The following RECQL5 variants were observed in gnomAD, a reference collection of about 807,000 sequenced individuals.
RECQL5 encodes the protein RecQ like helicase 5.
Under a neutral mutation model 103.4 loss-of-function variants are expected in RECQL5, and 88 were observed. That is an observed-to-expected ratio of 0.85 (90% CI 0.72 to 1.02). The LOEUF is 1.02. Among genes scored for constraint, RECQL5 ranks in the 50% least tolerant of loss-of-function variants. The probability of loss-of-function intolerance (pLI) is 0.00; values close to 1 mark genes in which losing one functional copy is unlikely to be tolerated. For missense variants in RECQL5, 1,232 were observed against 1,284.3 expected (o/e 0.96, Z 0.62); for synonymous variants, 552 against 507.9 (o/e 1.09, Z -1.17).
In RECQL5 at chr17:75,661,613, G is replaced by A; in HGVS notation, c.867C>T (p.Tyr289=). The A allele has an allele frequency of 1.9e-6, 3 of 1,613,758 alleles. No homozygotes were observed. Among genetic ancestry groups the A allele is most frequent in the Non-Finnish European group, 2.5e-6 (3 of 1,179,730 alleles). The change falls in exon 5 of 20, where the codon TAC becomes TAT. Residue 289 remains tyrosine, a synonymous_variant. Coordinates refer to ENST00000317905, the MANE Select transcript of RECQL5 (RefSeq NM_004259.7). ...GGCCTGGGTGCCCCTTACCTGCATG[G>A]TAAGCCTTGGCGTTCACACCCCTGC... ...LSCRGVNAKA[Y]HAGLKASERT... is the part of the protein sequence containing the mutation.
rs72854937 is a variant in RECQL5 at position 75,627,173 on chromosome 17, A to G, written c.*249T>C. Reference sequence around the variant, plus strand: ...CCACCCTCCACCTTCTGTCCTCGACATGTGTCCCAGAAAACCCAGCCATGA... The same window carrying G: ...CCACCCTCCACCTTCTGTCCTCGACGTGTGTCCCAGAAAACCCAGCCATGA... On this transcript the variant is annotated 3_prime_UTR_variant, in exon 20 of 20. Coordinates refer to ENST00000317905, the MANE Select transcript of RECQL5 (RefSeq NM_004259.7). 1,942 of 617,794 alleles carry G rather than the reference A, an allele frequency of 3.1e-3. 4 individuals carry two copies. Among genetic ancestry groups the G allele is most frequent in the Non-Finnish European group, 5.1e-3 (1,677 of 331,300 alleles). The allele number at this position is 617,794 out of a possible 1,614,324, so 38.3% of individuals were successfully genotyped here.
At chr17:75,653,381 G>A (rs181741527) in intron 7 of RECQL5, among the ~76,000 whole-genome samples, 2 of 152,300 alleles carry the variant, frequency 1.3e-5, no homozygotes, top group East Asian at 1.9e-4. Context: ...CCCATTCCTG[G>A]AGGTAATTCC....
At chr17:75,647,312 A>G (rs1301805610) in intron 8 of RECQL5, 30 of 1,434,828 alleles carry the variant, frequency 2.1e-5, no homozygotes, top group Non-Finnish European at 2.8e-5. Flanking sequence ...AGAGCATAGC[A>G]CCTGGGACAG....
intron 4 of RECQL5, among the ~76,000 whole-genome samples, chr17:75,661,958 T>TA (rs1389910756): frequency 2.2e-4 from 33 of 152,274 alleles, no homozygotes; most frequent in Admixed American, 1.8e-3. Flanking sequence ...GGCCAGGAGT[T>TA]AGAGACCAGC....
In RECQL5 at chr17:75,650,174, C is replaced by A. The variant is rs1051097265; in HGVS notation, c.1229+1012G>T. 9 of 986,938 alleles carry A rather than the reference C, an allele frequency of 9.1e-6. No individual in the cohort carries two copies. The African/African-American group carries it at 1.6e-4, about 17-fold the overall frequency. 61.1% of individuals were successfully genotyped at this position (986,938 alleles called of 1,614,324 possible). On this transcript the variant is annotated intron_variant, in intron 8 of 19. Transcript: ENST00000317905. ...CCATATTAATTGTGCTTGAAAAGGGCTCTGGTCGCAAAGGCTGCAGGCAAG... is the reference window on the plus strand; with the variant it reads ...CCATATTAATTGTGCTTGAAAAGGGATCTGGTCGCAAAGGCTGCAGGCAAG...
At chr17:75,643,851 T>A (rs988544664) in intron 8 of RECQL5, among the ~76,000 whole-genome samples, 2 of 152,214 alleles carry the variant, frequency 1.3e-5, no homozygotes, top group Non-Finnish European at 2.9e-5. Context: ...AGCAGCATCC[T>A]AAGTGGTCCC....
chr17:75,653,219 G>C (rs2059577086), intron 7 of RECQL5, among the ~76,000 whole-genome samples: 2 of 152,198 alleles, frequency 1.3e-5, no homozygotes, highest in Admixed American at 1.3e-4. Context: ...CTTCCCACCA[G>C]GAAGACCTCT....
chr17:75,664,927 A>AAG, intron 3 of RECQL5, 124 bp downstream of exon 3: 1 of 1,359,612 alleles, frequency 7.4e-7, no homozygotes, highest in East Asian at 2.7e-5. Flanking sequence ...AAAAAAAAAA[A>AAG]AAAGGAAAAA....
chr17:75,657,962 C>T (rs765804467), intron 7 of RECQL5, among the ~76,000 whole-genome samples: 4 of 151,866 alleles, frequency 2.6e-5, no homozygotes, highest in African/African-American at 4.8e-5. Flanking sequence ...GCAGAAGAAT[C>T]GCTTGAACCC....
At chr17:75,655,597 C>T (rs981777032) in intron 7 of RECQL5, among the ~76,000 whole-genome samples, 2 of 152,162 alleles carry the variant, frequency 1.3e-5, no homozygotes, top group African/African-American at 4.8e-5. Context: ...ATCTCCTGAC[C>T]TCGTGATCTG....
At position 75,629,149 on chromosome 17, in the gene RECQL5, G is replaced by A. The variant is rs1451219653; in HGVS notation, c.2274C>T (p.His758=). The A allele has an allele frequency of 3.1e-6, 5 of 1,613,708 alleles. No homozygotes were observed. The East Asian group carries it at 1.1e-4, about 36-fold the overall frequency. Residue 758 remains histidine, a synonymous_variant, in exon 16 of 20, where the codon CAC becomes CAT. Coordinates refer to ENST00000317905, the MANE Select transcript of RECQL5 (RefSeq NM_004259.7). ...AGCGGGCGATGCTCTGAGAATCCTT[G>A]TGGGCCGCTGTGGCTAGGAGCTGCT... ...KKQQLLATAA[H]KDSQSIARFF...
In RECQL5 at chr17:75,640,131, C is replaced by T. The variant is rs2059407376; in HGVS notation, c.1230-8463G>A. 4.1e-6 allele frequency: 6 copies of T among 1,465,482 alleles called. No individual in the cohort carries two copies. The highest frequency in any genetic ancestry group is 2.7e-5 in the South Asian group (2 of 72,830). The allele number at this position is 1,465,482 out of a possible 1,614,324, so 90.8% of individuals were successfully genotyped here. A position where few individuals can be genotyped will look rare whatever the true frequency, so the allele number is the denominator to read the frequency against. ...GTGCTGCGACGAGTGTGGGGCCAGCCGTGGAGGCTCCAGGTGTTCTCTCTG... is the reference window on the plus strand; with the variant it reads ...GTGCTGCGACGAGTGTGGGGCCAGCTGTGGAGGCTCCAGGTGTTCTCTCTG... On this transcript the variant is annotated intron_variant, in intron 8 of 19. Transcript: ENST00000317905. This position sits in a 1 kb window ranked among gnomAD's most constrained non-coding sequence, Gnocchi z 4.6.
rs376166113 is a variant in RECQL5, at chr17:75,653,892, AAAAAC to A, written c.1150-2632_1150-2628del. ...CAGCCTGCACGACAAAGACTGTCTG[AAAAAC>A]AAAACAAAACAAAACAAAACAAAAA... On this transcript the variant is annotated intron_variant, in intron 7 of 19. Coordinates refer to ENST00000317905, the MANE Select transcript of RECQL5 (RefSeq NM_004259.7). Among the ~76,000 whole-genome samples, 482 of 151,874 alleles carry A rather than the reference AAAAAC, an allele frequency of 3.2e-3. 2 individuals carry two copies. The highest frequency in any genetic ancestry group is 0.011 in the African/African-American group (454 of 41,330).
rs567582082 is a variant in RECQL5, at chr17:75,664,633, G to A, written c.252+418C>T. Among the ~76,000 whole-genome samples, 235 of 152,130 alleles carry A rather than the reference G, an allele frequency of 1.5e-3. 1 individual carries two copies. Among genetic ancestry groups the A allele is most frequent in the Admixed American group, 2.9e-3 (45 of 15,280 alleles). On this transcript the variant is annotated intron_variant, in intron 3 of 19. Transcript: ENST00000317905. ...AAATCATAGAAAATAAGAGGCAGGG[G>A]CGGGTGTGGTGGCTCACACCTGTAA...
Position 75,631,476 on chromosome 17 carries a change from G to GC in RECQL5, c.1421dup (p.Arg475ProfsTer11). 6.2e-7 allele frequency: 1 copy of GC among 1,611,924 alleles called. No individual in the cohort carries two copies. Among genetic ancestry groups the GC allele is most frequent in the Non-Finnish European group, 8.5e-7 (1 of 1,178,896 alleles). ...TGCTGAAGTCCCCGTAGCCCTTGCG[G>GC]CCTCCCTCATACAGCTCGGGGTCAA... On this transcript the variant is annotated frameshift_variant, in exon 9 of 20. Coordinates refer to ENST00000317905, the MANE Select transcript of RECQL5 (RefSeq NM_004259.7). LOFTEE classifies it high-confidence loss of function.
chr17:75,630,093 TG>T, intron 14 of RECQL5, 90 bp downstream of exon 14: 1 of 1,188,172 alleles, frequency 8.4e-7, no homozygotes, highest in Middle Eastern at 2.8e-4. Context: ...AGTTCTGGGC[TG>T]CCTGAGCCCA....
At chr17:75,633,167 C>G (rs2059251853) in intron 8 of RECQL5, among the ~76,000 whole-genome samples, 1 of 152,244 alleles carries the variant, frequency 6.6e-6, no homozygotes, top group Admixed American at 6.5e-5. Flanking sequence ...AGTCCGTGCG[C>G]CCGCACAGCG....
intron 8 of RECQL5, among the ~76,000 whole-genome samples, chr17:75,647,216 C>G (rs1247979115): frequency 6.6e-6 from 1 of 152,190 alleles, no homozygotes; most frequent in Non-Finnish European, 1.5e-5. Context: ...GCATCCAGCA[C>G]AAAGACTCTA....
At position 75,636,370 on chromosome 17, in the gene RECQL5, T is replaced by C. The variant is rs1158581987; in HGVS notation, c.1230-4702A>G. Among the ~76,000 whole-genome samples, 1 of 152,090 alleles carries C rather than the reference T, an allele frequency of 6.6e-6. No individual in the cohort carries two copies. Among genetic ancestry groups the C allele is most frequent in the Non-Finnish European group, 1.5e-5 (1 of 67,996 alleles). The stretch of plus-strand genomic sequence containing the variant: ...TGGAAGGAGTTGGGTGAACCTGAGA[T>C]AGAAAGACGGGAAAAATATGGGATC... On this transcript the variant is annotated intron_variant, in intron 8 of 19. Transcript: ENST00000317905. This position sits in a 1 kb window ranked among gnomAD's most constrained non-coding sequence, Gnocchi z 5.4.
Sources: gnomAD v4.1 joint callset for allele counts (sites outside exome capture counted in the v4.1 genomes callset) on GRCh38, gnomAD v4.1.1 for gene constraint, Gnocchi (gnomAD v3.1) non-coding constraint, MANE v1.5 for transcripts, NCBI Gene and HGNC (gene_info 2026-07-23, HGNC 2026-07-21) for gene names.